GPAT3: variants seen among roughly 807,000 people sequenced by gnomAD.
GPAT3 encodes glycerol-3-phosphate acyltransferase 3, also known as 1-AGP acyltransferase 9.
GPAT3 carries 53 observed loss-of-function variants against 58.8 expected under a neutral mutation model. The observed-to-expected ratio is 0.90, with a 90% confidence interval of 0.72 to 1.13. The LOEUF is 1.13. Ranked by LOEUF, GPAT3 falls within the 50% of genes most tolerant of loss-of-function variation. The pLI is 0.00. For synonymous variants in GPAT3, 197 were observed against 187.4 expected (o/e 1.05, Z -0.42); for missense variants, 511 against 527.6 (o/e 0.97, Z 0.31).
Position 83,600,443 on chromosome 4 carries a change from C to G in GPAT3, c.1205+1720C>G, listed in dbSNP as rs150764098. Among the ~76,000 whole-genome samples, 22 of 152,164 alleles carry G rather than the reference C, an allele frequency of 1.4e-4. No homozygotes were observed. In the East Asian group the frequency reaches 3.3e-3, roughly 23 times the overall value. ...TTTAACATATGAATTTTGGGGGAGACAAAAACATTCAGTCTATCTCAGTGA... is the reference window on the plus strand; with the variant it reads ...TTTAACATATGAATTTTGGGGGAGAGAAAAACATTCAGTCTATCTCAGTGA... On this transcript the variant is annotated intron_variant, in intron 11 of 11. Transcript: ENST00000264409.
At chr4:83,562,183 A>ATATATATATATATAATATATATATAT (rs1725153535) in intron 2 of GPAT3, among the ~76,000 whole-genome samples, 11 of 57,182 alleles carry the variant, frequency 1.9e-4, no homozygotes, top group African/African-American at 7.7e-4. Flanking sequence ...TATATATTAT[A>ATATATATATATATAATATATATATAT]TATATATATA....
intron 2 of GPAT3, among the ~76,000 whole-genome samples, chr4:83,573,940 G>C (rs1266330620): frequency 2.0e-5 from 3 of 151,962 alleles, no homozygotes; most frequent in African/African-American, 7.3e-5. Flanking sequence ...AGTCTCTATG[G>C]GATTTAGGAC....
At chr4:83,540,281 G>A (rs1358006783) in intron 1 of GPAT3, among the ~76,000 whole-genome samples, 1 of 152,000 alleles carries the variant, frequency 6.6e-6, no homozygotes, top group Admixed American at 6.6e-5. Flanking sequence ...TGGTTGATAA[G>A]TATCTTTCAA....
intron 2 of GPAT3, among the ~76,000 whole-genome samples, chr4:83,567,130 T>G (rs140330102): frequency 6.6e-6 from 1 of 152,052 alleles, no homozygotes; most frequent in Non-Finnish European, 1.5e-5. Flanking sequence ...TTTATTTCTT[T>G]CCTAGTTTGT....
intron 2 of GPAT3, among the ~76,000 whole-genome samples, chr4:83,562,840 A>G (rs1725232916): frequency 6.6e-6 from 1 of 151,756 alleles, no homozygotes; most frequent in Admixed American, 6.6e-5. Context: ...CTATATATAT[A>G]TATTCTCTCC....
intron 5 of GPAT3, among the ~76,000 whole-genome samples, chr4:83,589,443 G>A (rs973330061): frequency 2.6e-5 from 4 of 152,168 alleles, no homozygotes; most frequent in South Asian, 2.1e-4. Flanking sequence ...ATTCACAGCC[G>A]TGGCTGCTTT....
At chr4:83,583,884 A>T (rs183758507) in intron 3 of GPAT3, among the ~76,000 whole-genome samples, 35 of 151,838 alleles carry the variant, frequency 2.3e-4, no homozygotes, top group African/African-American at 8.2e-4. Flanking sequence ...CTGAAGCAGG[A>T]GAAATCACTT....
intron 2 of GPAT3, among the ~76,000 whole-genome samples, chr4:83,575,201 A>G (rs1252900171): frequency 6.6e-6 from 1 of 151,968 alleles, no homozygotes; most frequent in Non-Finnish European, 1.5e-5. Flanking sequence ...ATGCCAAAAC[A>G]AGTATTTCCT....
rs71668661 is a variant in GPAT3 at position 83,598,622 on chromosome 4, ATT to A, written c.1126-9_1126-8del. 7,896 of 1,395,516 alleles carry A rather than the reference ATT, an allele frequency of 5.7e-3. No individual in the cohort carries two copies. The highest frequency in any genetic ancestry group is 9.1e-3 in the South Asian group (702 of 76,816). The allele number at this position is 1,395,516 out of a possible 1,614,324, so 86.4% of individuals were successfully genotyped here. A position where few individuals can be genotyped will look rare whatever the true frequency, so the allele number is the denominator to read the frequency against. On this transcript the variant is annotated intron_variant, in intron 10 of 11. Coordinates refer to ENST00000264409, the MANE Select transcript of GPAT3 (RefSeq NM_032717.5). ...ACTCGATAACTAAGATATTCTTGCA[ATT>A]TTTTTTTTTTTTAAACCAGGAAGGA...
chr4:83,537,577 A>G (rs531587971), intron 1 of GPAT3, among the ~76,000 whole-genome samples: 1 of 145,172 alleles, frequency 6.9e-6, no homozygotes, highest in Admixed American at 6.9e-5. Context: ...AAAAAATTTA[A>G]TTATATGTAT....
intron 4 of GPAT3, among the ~76,000 whole-genome samples, chr4:83,587,755 A>G (rs991023753): frequency 6.6e-6 from 1 of 152,160 alleles, no homozygotes; most frequent in African/African-American, 2.4e-5. Flanking sequence ...TTCTCTACTC[A>G]TTTATTAGAA....
intron 2 of GPAT3, among the ~76,000 whole-genome samples, chr4:83,559,579 C>A (rs9990475): frequency 6.6e-6 from 1 of 152,066 alleles, no homozygotes; most frequent in African/African-American, 2.4e-5. Flanking sequence ...TTGCCTCGGC[C>A]CCCCAAAGTG....
rs747962416 is a variant in GPAT3, at chr4:83,581,783, G to T, written c.430G>T (p.Val144Leu). 7.4e-6 allele frequency: 12 copies of T among 1,614,018 alleles called. No individual in the cohort carries two copies. The highest frequency in any genetic ancestry group is 9.3e-6 in the Non-Finnish European group (11 of 1,180,042). The change falls in exon 3 of 12, where the codon GTG becomes TTG. Residue 144 changes from valine (V) to leucine (L), a missense_variant. Val to Leu is a conservative substitution (Grantham distance 32). Transcript: ENST00000264409. ...GTACATCAGTCTGCGGCTCACTATGGTGTGGGTGCTGGGCGTCATAGTGCG... is the reference window on the plus strand; with the variant it reads ...GTACATCAGTCTGCGGCTCACTATGTTGTGGGTGCTGGGCGTCATAGTGCG... ...FQYISLRLTMVWVLGVIVRYC... is the reference protein window; with the variant it reads ...FQYISLRLTMLWVLGVIVRYC...
At chr4:83,599,927 AC>A (rs1432105922) in intron 11 of GPAT3, among the ~76,000 whole-genome samples, 1 of 152,212 alleles carries the variant, frequency 6.6e-6, no homozygotes, top group Non-Finnish European at 1.5e-5. Flanking sequence ...ATAGAGATTA[AC>A]AACAATAACA....
intron 2 of GPAT3, among the ~76,000 whole-genome samples, chr4:83,549,059 T>C (rs1172451151): frequency 6.6e-6 from 1 of 151,132 alleles, no homozygotes; most frequent in East Asian, 1.9e-4. Context: ...TTGAGAAATA[T>C]CAAGTCAGGT....
At chr4:83,535,963 C>CG (rs1158919089), upstream of GPAT3, 1 of 985,378 alleles carries the variant, frequency 1.0e-6, no homozygotes, top group East Asian at 1.1e-4. Flanking sequence ...CTGGGGGAGG[C>CG]GGGGCGCGGG....
At chr4:83,540,922 T>C (rs757424232) in intron 1 of GPAT3, among the ~76,000 whole-genome samples, 2 of 152,180 alleles carry the variant, frequency 1.3e-5, no homozygotes, top group Non-Finnish European at 2.9e-5. Flanking sequence ...ACTCTTGTCC[T>C]CAAGCGATCT....
chr4:83,580,115 AAG>A (rs1478315656), intron 2 of GPAT3, among the ~76,000 whole-genome samples: 1 of 152,204 alleles, frequency 6.6e-6, no homozygotes, highest in Non-Finnish European at 1.5e-5. Context: ...TTATTCTTTG[AAG>A]ACTTTCTCAT....
rs1221974891 is a variant in GPAT3, at chr4:83,581,979, T to C, written c.479+147T>C. 6.6e-6 allele frequency: 7 copies of C among 1,062,726 alleles called. No individual in the cohort carries two copies. In the East Asian group the frequency reaches 1.5e-4, roughly 22 times the overall value. The allele number at this position is 1,062,726 out of a possible 1,614,324, so 65.8% of individuals were successfully genotyped here. On this transcript the variant is annotated intron_variant, in intron 3 of 11. Coordinates refer to ENST00000264409, the MANE Select transcript of GPAT3 (RefSeq NM_032717.5). ...CCACCAAACATGACCTCTAAAGGAA[T>C]GTATTACGTATCCATTTTCCTTTCA...
Sources: allele counts gnomAD v4.1 joint callset (sites outside exome capture counted in the v4.1 genomes callset), GRCh38; gene constraint gnomAD v4.1.1; transcripts MANE v1.5; gene names NCBI Gene and HGNC (gene_info 2026-07-23, HGNC 2026-07-21).